Variants in MAGI1 observed in about 807,000 individuals in gnomAD.
MAGI1 encodes the protein membrane-associated guanylate kinase, WW and PDZ domain-containing protein 1.
MAGI1 carries 58 observed loss-of-function variants against 139.9 expected under a neutral mutation model. The observed-to-expected ratio is 0.41, with a 90% CI of 0.34 to 0.52. The LOEUF (loss-of-function observed/expected upper bound fraction) is 0.52. Ranked by LOEUF, MAGI1 falls within the 20% of genes least tolerant of loss-of-function variation. The pLI, the probability that MAGI1 is intolerant of heterozygous loss-of-function variation, is 0.12. For missense variants in MAGI1, 1,874 were observed against 1,901.6 expected, an observed-to-expected ratio of 0.99 and a Z score of 0.27; for synonymous variants, 812 against 737.9, an observed-to-expected ratio of 1.10 and a Z score of -1.63.
intron 1 of MAGI1, among the ~76,000 whole-genome samples, chr3:65,795,888 T>A (rs919615838): frequency 6.6e-6 from 1 of 151,556 alleles, no homozygotes; most frequent in East Asian, 2.0e-4. Flanking sequence ...CCGTCTCTAC[T>A]AAAAACACAA....
chr3:65,755,910 T>C (rs1434656842), intron 1 of MAGI1, among the ~76,000 whole-genome samples: 3 of 152,228 alleles, frequency 2.0e-5, no homozygotes, highest in African/African-American at 7.2e-5. Flanking sequence ...AATCTAAACC[T>C]AGATAAATCA....
chr3:65,773,001 C>T (rs764619513), intron 1 of MAGI1, among the ~76,000 whole-genome samples: 1 of 152,228 alleles, frequency 6.6e-6, no homozygotes, highest in South Asian at 2.1e-4. Flanking sequence ...CTCCACCTCA[C>T]ACCAGCGTCC....
chr3:66,008,042 A>G (rs2107485390), intron 1 of MAGI1, among the ~76,000 whole-genome samples: 1 of 152,188 alleles, frequency 6.6e-6, no homozygotes, highest in South Asian at 2.1e-4. Flanking sequence ...GACTACAGGC[A>G]TGTGCCACCA....
intron 1 of MAGI1, among the ~76,000 whole-genome samples, chr3:65,685,864 G>T (rs952185926): frequency 1.3e-5 from 2 of 152,110 alleles, no homozygotes; most frequent in Admixed American, 6.5e-5. Flanking sequence ...ACACAATTCA[G>T]TCTGTGGTTA....
chr3:65,500,824 C>T (rs748310400), intron 2 of MAGI1, among the ~76,000 whole-genome samples: 2 of 152,218 alleles, frequency 1.3e-5, no homozygotes, highest in Admixed American at 6.5e-5. Context: ...AATCAGGGTC[C>T]TGCTTGTCAA....
intron 2 of MAGI1, among the ~76,000 whole-genome samples, chr3:65,500,905 CT>C (rs777537033): frequency 6.6e-6 from 1 of 152,186 alleles, no homozygotes; most frequent in African/African-American, 2.4e-5. Flanking sequence ...CATCATTTTC[CT>C]ATTCTAACAC....
chr3:65,534,253 G>C (rs1379509359), intron 2 of MAGI1, among the ~76,000 whole-genome samples: 2 of 152,086 alleles, frequency 1.3e-5, no homozygotes, highest in Admixed American at 6.6e-5. Flanking sequence ...AGGCCAAGGT[G>C]GTAGGATCAT....
chr3:65,515,052 C>T (rs1016216861), intron 2 of MAGI1, among the ~76,000 whole-genome samples: 8 of 142,890 alleles, frequency 5.6e-5, no homozygotes, highest in Non-Finnish European at 9.1e-5. Context: ...AGTAAACTAT[C>T]GCAAGAGCAA....
chr3:65,794,244 C>T lies in MAGI1; in HGVS notation c.314-172156G>A, dbSNP rs182814912. ...GCTCTGTGGAAAGAGGCTAAAAATA[C>T]AAGCCACAGGCAGGGAGGAAACATT... On this transcript the variant is annotated intron_variant, in intron 1 of 22. Transcript: ENST00000402939. 4.6e-3 allele frequency among the ~76,000 whole-genome samples: 707 copies of T among 152,182 alleles called. 4 individuals are homozygous for T. Among genetic ancestry groups the T allele is most frequent in the African/African-American group, 0.016 (663 of 41,554 alleles).
At chr3:65,995,953 G>A (rs557042342) in intron 1 of MAGI1, among the ~76,000 whole-genome samples, 2 of 152,078 alleles carry the variant, frequency 1.3e-5, no homozygotes, top group Non-Finnish European at 2.9e-5. Context: ...AGCTATGATC[G>A]TGCCACTGTA....
At chr3:65,861,510 A>G (rs751076326) in intron 1 of MAGI1, among the ~76,000 whole-genome samples, 26 of 152,190 alleles carry the variant, frequency 1.7e-4, no homozygotes, top group Non-Finnish European at 2.9e-4. Context: ...TTGTATATAA[A>G]CCACTGAAAC....
In MAGI1 at chr3:65,616,909, A is replaced by G. The variant is rs574536351; in HGVS notation, c.430+5063T>C. 2.6e-5 allele frequency among the ~76,000 whole-genome samples: 4 copies of G among 152,352 alleles called. No homozygotes were observed. In the East Asian group the frequency reaches 7.7e-4, roughly 29 times the overall value. ...GCTCTAATTGTCAAAGATCACAGGAAAAGTGGTTGATTTTAGGCAAGCCAT... is the reference window on the plus strand; with the variant it reads ...GCTCTAATTGTCAAAGATCACAGGAGAAGTGGTTGATTTTAGGCAAGCCAT... On this transcript the variant is annotated intron_variant, in intron 2 of 22. Transcript: ENST00000402939.
Position 65,355,552 on chromosome 3 carries a change from C to CT in MAGI1, c.*825dup, listed in dbSNP as rs1218948385. On this transcript the variant is annotated 3_prime_UTR_variant, in exon 23 of 23. Coordinates refer to ENST00000402939, the MANE Select transcript of MAGI1 (RefSeq NM_001033057.2). ...ATCAGACGAGACAACACGAAAGATG[C>CT]TTGTTGTCTCTTCCTCGTAGTAATT... 2.0e-5 allele frequency: 3 copies of CT among 152,526 alleles called. No individual in the cohort carries two copies. Among genetic ancestry groups the CT allele is most frequent in the African/African-American group, 7.2e-5 (3 of 41,424 alleles). The allele number at this position is 152,526 out of a possible 1,614,324, so 9.4% of individuals were successfully genotyped here.
chr3:65,884,730 A>G (rs1367265553), intron 1 of MAGI1, among the ~76,000 whole-genome samples: 1 of 152,010 alleles, frequency 6.6e-6, no homozygotes, highest in Non-Finnish European at 1.5e-5. Context: ...GCATTTTTCA[A>G]CCCCTTCCTC....
intron 1 of MAGI1, among the ~76,000 whole-genome samples, chr3:65,796,624 A>G (rs1039336788): frequency 7.2e-5 from 11 of 152,204 alleles, no homozygotes; most frequent in African/African-American, 1.9e-4. Flanking sequence ...AATTAAAAGT[A>G]TTTATATTCA....
chr3:65,915,982 AAT>A (rs935826201), intron 1 of MAGI1, among the ~76,000 whole-genome samples: 2 of 148,924 alleles, frequency 1.3e-5, no homozygotes, highest in Admixed American at 1.3e-4. Context: ...ATAAAATGTG[AAT>A]ATATATAATA....
intron 1 of MAGI1, among the ~76,000 whole-genome samples, chr3:65,785,561 G>A (rs1316722563): frequency 1.3e-5 from 2 of 152,144 alleles, no homozygotes; most frequent in Non-Finnish European, 2.9e-5. Context: ...TATTTGTTTA[G>A]GATAAAATTC....
intron 2 of MAGI1, among the ~76,000 whole-genome samples, chr3:65,548,673 C>G (rs1044621710): frequency 6.6e-6 from 1 of 151,992 alleles, no homozygotes; most frequent in Non-Finnish European, 1.5e-5. Context: ...CAGGCATGCG[C>G]CACCACGCCG....
chr3:66,018,118 G>GC lies in MAGI1; in HGVS notation c.313+19877_313+19878insG, dbSNP rs1553748554. ...GATAAGGAAGGACACTTTGGTGGGG[G>GC]GGGGGGGTGTCTGCACATGCCCATT... On this transcript the variant is annotated intron_variant, in intron 1 of 22. Coordinates refer to ENST00000402939, the MANE Select transcript of MAGI1 (RefSeq NM_001033057.2). 5.2e-3 allele frequency among the ~76,000 whole-genome samples: 715 copies of GC among 136,656 alleles called. 130 individuals carry two copies. The East Asian group carries it at 0.11, about 21-fold the overall frequency. 89.7% of individuals were successfully genotyped at this position (136,656 alleles called of 152,430 possible).
Sources: gnomAD v4.1 joint callset for allele counts (sites outside exome capture counted in the v4.1 genomes callset) on GRCh38, gnomAD v4.1.1 for gene constraint, MANE v1.5 for transcripts, NCBI Gene and HGNC (gene_info 2026-07-23, HGNC 2026-07-21) for gene names.